The following PRPSAP2 variants were observed in gnomAD, a reference collection of about 807,000 sequenced individuals.
The protein encoded by PRPSAP2 is phosphoribosyl pyrophosphate synthetase associated protein 2.
PRPSAP2 carries 24 observed loss-of-function variants against 40.6 expected under a neutral mutation model. That is an observed-to-expected ratio of 0.59 (90% CI 0.43 to 0.83). The LOEUF (loss-of-function observed/expected upper bound fraction) is 0.83. Among genes scored for constraint, PRPSAP2 ranks in the 40% least tolerant of loss-of-function variants. PRPSAP2 has a pLI of 0.00. For missense variants in PRPSAP2, 292 were observed against 465.6 expected, an observed-to-expected ratio of 0.63 and a Z score of 3.43; for synonymous variants, 149 against 164.7, an observed-to-expected ratio of 0.90 and a Z score of 0.73.
intron 11 of PRPSAP2, among the ~76,000 whole-genome samples, chr17:18,930,080 T>G (rs1157236802): frequency 6.6e-6 from 1 of 152,062 alleles, no homozygotes; most frequent in Non-Finnish European, 1.5e-5. Context: ...AATCTTAACC[T>G]AAGAAACACA....
intron 8 of PRPSAP2, among the ~76,000 whole-genome samples, chr17:18,901,750 C>A (rs1012240115): frequency 6.6e-6 from 1 of 151,804 alleles, no homozygotes; most frequent in African/African-American, 2.4e-5. Context: ...TATTAATAAT[C>A]CTTCCTAGTG....
At chr17:18,874,403 A>G (rs2038118606) in intron 5 of PRPSAP2, among the ~76,000 whole-genome samples, 1 of 152,206 alleles carries the variant, frequency 6.6e-6, no homozygotes. Context: ...AAACCAACGA[A>G]AGGGAAAAAG....
intron 8 of PRPSAP2, among the ~76,000 whole-genome samples, chr17:18,890,257 C>T (rs544847628): frequency 9.2e-5 from 14 of 152,150 alleles, no homozygotes; most frequent in East Asian, 7.7e-4. Context: ...ACAACCTCCA[C>T]CTCCTGGGTT....
chr17:18,871,459 G>T (rs1953628723), intron 4 of PRPSAP2, among the ~76,000 whole-genome samples: 1 of 151,866 alleles, frequency 6.6e-6, no homozygotes. Flanking sequence ...TTTTCTTCCT[G>T]TGACAGTGAA....
At chr17:18,916,035 G>A (rs1311948615) in intron 9 of PRPSAP2, among the ~76,000 whole-genome samples, 1 of 151,992 alleles carries the variant, frequency 6.6e-6, no homozygotes, top group East Asian at 1.9e-4. Flanking sequence ...GCCCAGGCTG[G>A]TTGAACTCCT....
At chr17:18,915,580 T>C (rs1183302157) in intron 9 of PRPSAP2, among the ~76,000 whole-genome samples, 1 of 152,068 alleles carries the variant, frequency 6.6e-6, no homozygotes, top group Non-Finnish European at 1.5e-5. Context: ...GGTTGAAACA[T>C]GGTGGAGAAG....
intron 9 of PRPSAP2, among the ~76,000 whole-genome samples, chr17:18,922,548 C>A (rs1328877459): frequency 1.3e-5 from 2 of 151,324 alleles, no homozygotes; most frequent in African/African-American, 4.9e-5. Context: ...ATTTGTATAT[C>A]TTCTTTGGAG....
chr17:18,916,230 T>A (rs1033906579), intron 9 of PRPSAP2, among the ~76,000 whole-genome samples: 1 of 152,084 alleles, frequency 6.6e-6, no homozygotes, highest in Non-Finnish European at 1.5e-5. Context: ...TTTTCTAGCC[T>A]TTTCCTCTTC....
Position 18,865,827 on chromosome 17 carries a change from G to A in PRPSAP2, c.-7G>A. 1.4e-6 allele frequency: 2 copies of A among 1,478,506 alleles called. No homozygotes were observed. Among genetic ancestry groups the A allele is most frequent in the Non-Finnish European group, 1.8e-6 (2 of 1,099,448 alleles). 91.6% of individuals were successfully genotyped at this position (1,478,506 alleles called of 1,614,324 possible). ...GCTCTGAAAATTGGAAAACCAAGAA[G>A]GTTTTGATGTTTTGTGTGACGCCAC... On this transcript the variant is annotated 5_prime_UTR_variant, in exon 3 of 12. Coordinates refer to ENST00000268835, the MANE Select transcript of PRPSAP2 (RefSeq NM_002767.4).
intron 1 of PRPSAP2, among the ~76,000 whole-genome samples, chr17:18,864,116 A>T (rs1171196852): frequency 6.6e-6 from 1 of 151,772 alleles, no homozygotes; most frequent in Non-Finnish European, 1.5e-5. Flanking sequence ...AGCCTCCCAA[A>T]GTGCTAGGAT....
chr17:18,892,681 C>G (rs2039622570), intron 8 of PRPSAP2, among the ~76,000 whole-genome samples: 1 of 70,072 alleles, frequency 1.4e-5, no homozygotes, highest in African/African-American at 4.4e-5. Context: ...TCTGCCTCAG[C>G]CTGTTGAGTG....
chr17:18,867,427 T>C lies in PRPSAP2; in HGVS notation c.172+93T>C, dbSNP rs146374107. The C allele has an allele frequency of 9.4e-4, 1,348 of 1,431,624 alleles. 3 individuals are homozygous for C. The Middle Eastern group carries it at 0.023, about 24-fold the overall frequency. The allele number at this position is 1,431,624 out of a possible 1,614,324, so 88.7% of individuals were successfully genotyped here. ...ATCCTTTACTATTGAAACGATTTGA[T>C]TCAGTTGTACATTTCCATTAGCAAG... On this transcript the variant is annotated intron_variant, in intron 4 of 11. Transcript: ENST00000268835.
intron 8 of PRPSAP2, among the ~76,000 whole-genome samples, chr17:18,905,200 AT>A (rs2040508512): frequency 6.6e-6 from 1 of 151,720 alleles, no homozygotes; most frequent in South Asian, 2.1e-4. Flanking sequence ...ATTTTTTTGT[AT>A]TTTTAGTAGA....
intron 6 of PRPSAP2, among the ~76,000 whole-genome samples, chr17:18,879,389 A>G (rs561697530): frequency 9.9e-5 from 15 of 152,280 alleles, no homozygotes; most frequent in Middle Eastern, 6.8e-3. Flanking sequence ...GGTTCAAGCA[A>G]TTCTCCTGCC....
chr17:18,928,763 T>TA (rs752190173), intron 10 of PRPSAP2, 48 bp from the exon 11 acceptor site: 1 of 1,606,996 alleles, frequency 6.2e-7, no homozygotes, highest in South Asian at 1.1e-5. Context: ...TCTAACCTAT[T>TA]ATTGTAGAAG....
chr17:18,885,527 G>T (rs1185620196), intron 7 of PRPSAP2, among the ~76,000 whole-genome samples: 5 of 151,224 alleles, frequency 3.3e-5, no homozygotes, highest in Admixed American at 2.6e-4. Flanking sequence ...GCTGGAGTGC[G>T]ATTTTGGCTT....
chr17:18,860,519 T>G (rs909319623), intron 1 of PRPSAP2: 2 of 152,202 alleles, frequency 1.3e-5, no homozygotes, highest in Admixed American at 6.5e-5. Flanking sequence ...AAAAATAGTC[T>G]CTGCTGCCTG....
At chr17:18,922,668 ATTTTTTTTTT>A (rs57263191) in intron 9 of PRPSAP2, among the ~76,000 whole-genome samples, 1 of 89,840 alleles carries the variant, frequency 1.1e-5, no homozygotes, top group Non-Finnish European at 2.1e-5. Context: ...TATATATATA[ATTTTTTTTTT>A]TTTTTTTTTT....
intron 7 of PRPSAP2, among the ~76,000 whole-genome samples, chr17:18,887,079 G>A (rs1245432409): frequency 1.3e-5 from 2 of 151,720 alleles, no homozygotes; most frequent in South Asian, 4.2e-4. Flanking sequence ...TGGGATTACA[G>A]GCATGGGCCC....
Sources: gnomAD v4.1 joint callset for allele counts (sites outside exome capture counted in the v4.1 genomes callset) on GRCh38, gnomAD v4.1.1 for gene constraint, MANE v1.5 for transcripts, NCBI Gene and HGNC (gene_info 2026-07-23, HGNC 2026-07-21) for gene names.